The following ZNF665 variants were observed in gnomAD, a reference collection of about 807,000 sequenced individuals.
ZNF665 encodes zinc finger protein 665.
Under a neutral mutation model 7.9 loss-of-function variants are expected in ZNF665, and 6 were observed. The ratio of observed to expected loss-of-function variants is 0.76; its 90% CI spans 0.42 to 1.50. The LOEUF is 1.50. Ranked by LOEUF, ZNF665 falls within the 40% of genes most tolerant of loss-of-function variation. ZNF665 has a pLI of 0.01. For synonymous variants in ZNF665, 242 were observed against 274.5 expected (o/e 0.88, Z 1.17); for missense variants, 819 against 806.7 (o/e 1.02, Z -0.18).
intron 1 of ZNF665, among the ~76,000 whole-genome samples, chr19:53,189,201 G>C (rs913706502): frequency 1.3e-5 from 2 of 151,948 alleles, no homozygotes; most frequent in South Asian, 2.1e-4. Flanking sequence ...CAAAACTGAA[G>C]AGCCAGCTGT....
At chr19:53,179,630 C>G (rs2090723726) in intron 2 of ZNF665, 1 of 151,994 alleles carries the variant, frequency 6.6e-6, no homozygotes, top group Non-Finnish European at 1.5e-5. Context: ...TCACTGGTAT[C>G]TTCTGTAATA....
Position 53,165,015 on chromosome 19 carries a change from C to G in ZNF665, c.1475G>C (p.Gly492Ala). The G allele has an allele frequency of 6.2e-7, 1 of 1,613,934 alleles. No individual in the cohort carries two copies. Among genetic ancestry groups the G allele is most frequent in the South Asian group, 1.1e-5 (1 of 91,072 alleles). ...GEKPYKCDECGKAFSQTSQLA... is the reference protein window; with the variant it reads ...GEKPYKCDECAKAFSQTSQLA... ...TTGTGATGTTTGACTGAAGGCTTTACCACATTCATCACACTTGTAAGGTTT... is the reference window on the plus strand; with the variant it reads ...TTGTGATGTTTGACTGAAGGCTTTAGCACATTCATCACACTTGTAAGGTTT... The change falls in exon 4 of 4, where the codon GGT becomes GCT. Residue 492 changes from glycine to alanine, a missense_variant. Transcript: ENST00000396424.
intron 1 of ZNF665, among the ~76,000 whole-genome samples, chr19:53,192,469 G>C (rs1468393068): frequency 6.6e-6 from 1 of 152,086 alleles, no homozygotes; most frequent in Admixed American, 6.6e-5. Context: ...TCTAGACAGC[G>C]AGCTTTTCTC....
chr19:53,184,623 G>A (rs1395857269), intron 1 of ZNF665, among the ~76,000 whole-genome samples: 1 of 152,194 alleles, frequency 6.6e-6, no homozygotes, highest in African/African-American at 2.4e-5. Context: ...AAGGGCATGG[G>A]TTGTAGGGTC....
In ZNF665 at chr19:53,164,948, G is replaced by T. The variant is rs376090623; in HGVS notation, c.1542C>A (p.Tyr514Ter). The T allele has an allele frequency of 5.0e-6, 8 of 1,614,120 alleles. No individual in the cohort carries two copies. The highest frequency in any genetic ancestry group is 6.8e-6 in the Non-Finnish European group (8 of 1,180,020). ...HWRVHTGEKP[Y>*]KCNECGKAFS... ...AGGCTTTGCCACACTCATTACACTT[G>T]TAAGGTTTTTCTCCAGTATGAACTC... is the stretch of plus-strand genomic sequence containing the variant. Residue 514 changes from tyrosine to a stop codon, truncating the protein, a stop_gained, in exon 4 of 4, where the codon TAC (tyrosine) becomes TAA (stop). Coordinates refer to ENST00000396424, the MANE Select transcript of ZNF665 (RefSeq NM_024733.5). LOFTEE classifies it low-confidence loss of function (END_TRUNC).
In ZNF665 at chr19:53,165,960, T is replaced by C. The variant is rs1232010067; in HGVS notation, c.530A>G (p.His177Arg). 3 of 1,613,916 alleles carry C rather than the reference T, an allele frequency of 1.9e-6. No homozygotes were observed. Among genetic ancestry groups the C allele is most frequent in the African/African-American group, 1.3e-5 (1 of 75,062 alleles). The change falls in exon 4 of 4, where the codon CAT (histidine) becomes CGT (arginine). Residue 177 changes from histidine to arginine, a missense_variant. Transcript: ENST00000396424. ...VEKSPNNRGK[H>R]YKCDECGKVF... ...CTTGCCACATTCATCACATTTATAA[T>C]GTTTTCCTCGATTATTAGGAGACTT...
chr19:53,178,414 A>G (rs573584474), intron 2 of ZNF665, among the ~76,000 whole-genome samples: 3 of 152,260 alleles, frequency 2.0e-5, no homozygotes, highest in Admixed American at 2.0e-4. Context: ...AACTACTGTG[A>G]AAATGAGGTT....
chr19:53,190,131 T>A (rs1177573527), intron 1 of ZNF665: 1 of 152,270 alleles, frequency 6.6e-6, no homozygotes, highest in Non-Finnish European at 1.5e-5. Context: ...CTGGTATAAC[T>A]ATTCTTGTTT....
chr19:53,177,704 T>C (rs1266728509), intron 2 of ZNF665, among the ~76,000 whole-genome samples: 1 of 152,032 alleles, frequency 6.6e-6, no homozygotes, highest in East Asian at 1.9e-4. Context: ...CACAGTGGCT[T>C]TGAAGAAAAA....
Position 53,175,547 on chromosome 19 carries a change from C to T in ZNF665, c.40G>A (p.Ala14Thr). The T allele has an allele frequency of 1.2e-6, 2 of 1,608,052 alleles. No homozygotes were observed. Among genetic ancestry groups the T allele is most frequent in the South Asian group, 1.1e-5 (1 of 90,346 alleles). ...PQGQLTFKDV[A>T]IEFSQEEWTC... ...CACTCCTCCTGAGAGAATTCTATGG[C>T]CACATCCTTGAATGTCAACTGTCCC... Residue 14 changes from alanine to threonine, a missense_variant, in exon 3 of 4, where the codon GCC becomes ACC. Ala to Thr is a moderately conservative substitution (Grantham distance 58). Transcript: ENST00000396424.
chr19:53,169,737 T>C (rs1297557471), intron 3 of ZNF665, among the ~76,000 whole-genome samples: 1 of 142,748 alleles, frequency 7.0e-6, no homozygotes, highest in Non-Finnish European at 1.5e-5. Flanking sequence ...CCTGTGTCCA[T>C]GTGTTCTTAT....
Position 53,189,926 on chromosome 19 carries a change from G to A in ZNF665, c.-46+3386C>T, listed in dbSNP as rs568459168. Among the ~76,000 whole-genome samples, 20 of 150,716 alleles carry A rather than the reference G, an allele frequency of 1.3e-4. 1 individual carries two copies. Among genetic ancestry groups the A allele is most frequent in the South Asian group, 4.3e-4 (2 of 4,690 alleles). On this transcript the variant is annotated intron_variant, in intron 1 of 3. Transcript: ENST00000396424. ...AAGGAGCCCTCCGGTGGCCCTGTCC[G>A]GGCATAACAGAAGGCTCGCACTCTT...
At position 53,165,670 on chromosome 19, in the gene ZNF665, G is replaced by A. The variant is rs2090606740; in HGVS notation, c.820C>T (p.His274Tyr). 1.2e-6 allele frequency: 2 copies of A among 1,614,066 alleles called. No individual in the cohort carries two copies. The highest frequency in any genetic ancestry group is 1.7e-6 in the Non-Finnish European group (2 of 1,180,012). ...CNECGKAFRA[H>Y]SKLTTHQVIH... is the part of the protein sequence containing the mutation. ...ACCTGATGTGTAGTTAGTTTTGAAT[G>A]TGCTCTAAAGGCTTTGCCACACTCA... Residue 274 changes from histidine to tyrosine, a missense_variant, in exon 4 of 4, where the codon CAT becomes TAT. Transcript: ENST00000396424.
At chr19:53,178,888 C>T (rs971131538) in intron 2 of ZNF665, among the ~76,000 whole-genome samples, 1 of 152,254 alleles carries the variant, frequency 6.6e-6, no homozygotes, top group East Asian at 1.9e-4. Context: ...AGACAACCAG[C>T]TGGCAGGGGA....
Position 53,164,692 on chromosome 19 carries a change from A to G in ZNF665, c.1798T>C (p.Cys600Arg). The stretch of plus-strand genomic sequence containing the variant: ...GTGAAGACCTTGCCACATTCATTAC[A>G]TTTGTAAGGTTTTTCTCCAGTATGG... The part of the protein sequence containing the change: ...VIHTGEKPYK[C>R]NECGKVFTQN... The change falls in exon 4 of 4, where the codon TGT becomes CGT. Residue 600 changes from cysteine (C) to arginine (R), a missense_variant. Cys to Arg is a radical substitution (Grantham distance 180). Transcript: ENST00000396424. 1 of 1,612,876 alleles carries G rather than the reference A, an allele frequency of 6.2e-7. No homozygotes were observed.
chr19:53,178,189 G>A (rs3934841), intron 2 of ZNF665, among the ~76,000 whole-genome samples: 1 of 152,052 alleles, frequency 6.6e-6, no homozygotes, highest in Non-Finnish European at 1.5e-5. Context: ...GTTCTGAAAG[G>A]GTGGTCATTT....
At chr19:53,176,218 C>A (rs541730262) in intron 2 of ZNF665, among the ~76,000 whole-genome samples, 1 of 152,130 alleles carries the variant, frequency 6.6e-6, no homozygotes, top group Non-Finnish European at 1.5e-5. Context: ...GACTTCCAGG[C>A]TCAATCTCCA....
intron 3 of ZNF665, among the ~76,000 whole-genome samples, chr19:53,173,521 TGCACCACCATGCCTG>T (rs760215639): frequency 2.6e-4 from 39 of 151,878 alleles, no homozygotes; most frequent in Middle Eastern, 3.4e-3. Flanking sequence ...ACTACAGGTG[TGCACCACCATGCCTG>T]GCTAATTTTT....
rs528743095 is a variant in ZNF665, at chr19:53,185,357, G to A, written c.-45-2414C>T. On this transcript the variant is annotated intron_variant, in intron 1 of 3. Transcript: ENST00000396424. ...CCTGTCCGGGCATGACAGAGGGTTC[G>A]CACTCTTGTCTTCTGGTCACTTCTC... 4.6e-5 allele frequency among the ~76,000 whole-genome samples: 7 copies of A among 152,182 alleles called. 1 individual carries two copies. Among genetic ancestry groups the A allele is most frequent in the East Asian group, 1.9e-4 (1 of 5,170 alleles).
Sources: gnomAD v4.1 joint callset for allele counts (sites outside exome capture counted in the v4.1 genomes callset) on GRCh38, gnomAD v4.1.1 for gene constraint, MANE v1.5 for transcripts, NCBI Gene and HGNC (gene_info 2026-07-23, HGNC 2026-07-21) for gene names.